ALDH1A2: variants seen among roughly 807,000 people sequenced by gnomAD.
ALDH1A2 encodes aldehyde dehydrogenase 1 family member A2, also known as retinal dehydrogenase 2.
ALDH1A2 carries 27 observed loss-of-function variants against 60.3 expected under a neutral mutation model. The observed-to-expected ratio is 0.45, with a 90% CI of 0.33 to 0.62. ALDH1A2 has a LOEUF of 0.62. Ranked by LOEUF, ALDH1A2 falls within the 20% of genes least tolerant of loss-of-function variation. The probability of loss-of-function intolerance (pLI) is 0.02; values close to 1 mark genes in which losing one functional copy is unlikely to be tolerated. For synonymous variants in ALDH1A2, 289 were observed against 232.4 expected (o/e 1.24, Z -2.21); for missense variants, 581 against 643.8 (o/e 0.90, Z 1.06).
chr15:58,037,572 A>C (rs1896408917), intron 1 of ALDH1A2, among the ~76,000 whole-genome samples: 2 of 151,872 alleles, frequency 1.3e-5, no homozygotes, highest in South Asian at 2.1e-4. Flanking sequence ...GAAAACATGG[A>C]CAGCCCATGA....
At position 58,038,785 on chromosome 15, in the gene ALDH1A2, G is replaced by C. The variant is rs186172562; in HGVS notation, c.118-24504C>G. 3.1e-3 allele frequency among the ~76,000 whole-genome samples: 467 copies of C among 151,864 alleles called. 3 individuals carry two copies. Among genetic ancestry groups the C allele is most frequent in the African/African-American group, 0.011 (447 of 41,502 alleles). ...TAATGGTTAATGTTCATTTCTTCCT[G>C]TTCCACTTTCTATAAACAAGGTAAT... On this transcript the variant is annotated intron_variant, in intron 1 of 12. Transcript: ENST00000249750.
At chr15:57,963,620 G>A (rs918512379) in intron 9 of ALDH1A2, among the ~76,000 whole-genome samples, 3 of 152,138 alleles carry the variant, frequency 2.0e-5, no homozygotes, top group Admixed American at 1.3e-4. Flanking sequence ...TGAGATTACA[G>A]GCGTGAGCCA....
At chr15:57,988,883 T>C (rs1894800420) in intron 7 of ALDH1A2, among the ~76,000 whole-genome samples, 1 of 125,902 alleles carries the variant, frequency 7.9e-6, no homozygotes, top group Non-Finnish European at 1.8e-5. Context: ...CTGATATTGT[T>C]ATGTGCCGGG....
At chr15:58,064,860 A>T (rs1897133071) in intron 1 of ALDH1A2, among the ~76,000 whole-genome samples, 1 of 149,430 alleles carries the variant, frequency 6.7e-6, no homozygotes, top group Admixed American at 6.7e-5. Flanking sequence ...GTTCGTTATA[A>T]AAAAAAAAAA....
At chr15:57,977,096 GTTTTT>G (rs35805904) in intron 7 of ALDH1A2, among the ~76,000 whole-genome samples, 7 of 145,664 alleles carry the variant, frequency 4.8e-5, no homozygotes, top group Admixed American at 4.8e-4. Flanking sequence ...ACTTTTCGAT[GTTTTT>G]TTTTTTTTCT....
chr15:57,966,934 A>C (rs769671586), intron 7 of ALDH1A2, among the ~76,000 whole-genome samples: 14 of 152,262 alleles, frequency 9.2e-5, no homozygotes, highest in Non-Finnish European at 1.6e-4. Context: ...TGGAAAATGC[A>C]GAGCAGAGCC....
chr15:57,965,010 AG>A (rs1259155634), intron 8 of ALDH1A2, among the ~76,000 whole-genome samples: 13 of 151,206 alleles, frequency 8.6e-5, no homozygotes, highest in African/African-American at 2.9e-4. Flanking sequence ...CAACAAGTGG[AG>A]GGAAAAAAAA....
chr15:58,064,593 G>C (rs773491683), intron 1 of ALDH1A2, among the ~76,000 whole-genome samples: 2 of 152,144 alleles, frequency 1.3e-5, no homozygotes, highest in African/African-American at 4.8e-5. Context: ...GTGTAGAAAT[G>C]TACCGAAAGG....
rs1486472500 is a variant in ALDH1A2 at position 57,992,696 on chromosome 15, G to A, written c.798+9C>T. ...CTGTTCCTCAAGCCCTGGTTTTTCA[G>A]ATACCTACCTCAGTAGACCCTGTGA... On this transcript the variant is annotated intron_variant, in intron 7 of 12. Transcript: ENST00000249750. 6.2e-7 allele frequency: 1 copy of A among 1,612,728 alleles called. No individual in the cohort carries two copies.
intron 1 of ALDH1A2, among the ~76,000 whole-genome samples, chr15:58,016,960 A>G (rs1895805610): frequency 6.6e-6 from 1 of 152,180 alleles, no homozygotes; most frequent in African/African-American, 2.4e-5. Flanking sequence ...ATAATGGGAT[A>G]AAGAATAAAA....
chr15:58,060,279 A>AAT (rs759388503), intron 1 of ALDH1A2, among the ~76,000 whole-genome samples: 1 of 152,032 alleles, frequency 6.6e-6, no homozygotes, highest in Non-Finnish European at 1.5e-5. Context: ...TAGATCTCTA[A>AAT]ATATATATAT....
Position 58,010,827 on chromosome 15 carries a change from G to A in ALDH1A2, c.364-49C>T, listed in dbSNP as rs16939661. The A allele has an allele frequency of 8.5e-3, 13,652 of 1,606,646 alleles. 102 individuals are homozygous for A. Among genetic ancestry groups the A allele is most frequent in the African/African-American group, 0.033 (2,477 of 74,822 alleles). ...TACTAAGTCCCCAGAACTTTCCAGC[G>A]ATACACTAATTTCTAGAGCAGAAGA... On this transcript the variant is annotated intron_variant, in intron 3 of 12. Transcript: ENST00000249750.
At chr15:57,962,815 G>C (rs372672016) in intron 9 of ALDH1A2, among the ~76,000 whole-genome samples, 1 of 152,200 alleles carries the variant, frequency 6.6e-6, no homozygotes, top group Non-Finnish European at 1.5e-5. Flanking sequence ...GGCTCAGCCA[G>C]AACATCAATC....
intron 1 of ALDH1A2, among the ~76,000 whole-genome samples, chr15:58,041,371 G>A (rs149408923): frequency 2.4e-4 from 37 of 152,054 alleles, no homozygotes; most frequent in Admixed American, 1.3e-3. Context: ...GCCATAAAAT[G>A]AGGAGCATGA....
chr15:58,039,814 C>G (rs779506088), intron 1 of ALDH1A2, among the ~76,000 whole-genome samples: 4 of 151,716 alleles, frequency 2.6e-5, no homozygotes, highest in Non-Finnish European at 5.9e-5. Context: ...GAGTCACATG[C>G]AAAAGGAGAG....
chr15:57,961,304 G>T lies in ALDH1A2; in HGVS notation c.1252-10C>A. 6.2e-7 allele frequency: 1 copy of T among 1,613,300 alleles called. No individual in the cohort carries two copies. The highest frequency in any genetic ancestry group is 8.5e-7 in the Non-Finnish European group (1 of 1,179,898). On this transcript the variant is annotated splice_polypyrimidine_tract_variant and intron_variant, in intron 10 of 12. Coordinates refer to ENST00000249750, the MANE Select transcript of ALDH1A2 (RefSeq NM_003888.4). ...GAACAGGGCCAAAGATCTGCAAAAA[G>T]ATAATATGACTCAACATGGTTGCTC...
intron 1 of ALDH1A2, among the ~76,000 whole-genome samples, chr15:58,016,916 A>C (rs1274305879): frequency 6.6e-6 from 1 of 152,192 alleles, no homozygotes; most frequent in African/African-American, 2.4e-5. Context: ...CCATTAAACA[A>C]AGTTAAGAAT....
chr15:58,011,076 C>G (rs1340085055), intron 3 of ALDH1A2, among the ~76,000 whole-genome samples: 12 of 152,106 alleles, frequency 7.9e-5, no homozygotes, highest in Non-Finnish European at 1.6e-4. Flanking sequence ...CTTGTCAAAA[C>G]AGCTTCCGTT....
intron 1 of ALDH1A2, among the ~76,000 whole-genome samples, chr15:58,056,020 ATGTG>A (rs1427659013): frequency 2.0e-5 from 3 of 152,170 alleles, no homozygotes; most frequent in African/African-American, 7.2e-5. Context: ...TGAGTGTTGT[ATGTG>A]TGTGAGAGAC....
Sources: gnomAD v4.1 joint callset for allele counts (sites outside exome capture counted in the v4.1 genomes callset) on GRCh38, gnomAD v4.1.1 for gene constraint, MANE v1.5 for transcripts, NCBI Gene and HGNC (gene_info 2026-07-23, HGNC 2026-07-21) for gene names.